The following FSTL5 variants were observed in gnomAD, a reference collection of about 807,000 sequenced individuals.
The protein encoded by FSTL5 is follistatin-related protein 5.
FSTL5 carries 62 observed loss-of-function variants against 89.1 expected under a neutral mutation model. The ratio of observed to expected loss-of-function variants is 0.70; its 90% CI spans 0.57 to 0.86. The LOEUF (loss-of-function observed/expected upper bound fraction) is 0.86, where lower values mean the gene tolerates loss of function less well. Among genes scored for constraint, FSTL5 ranks in the 40% least tolerant of loss-of-function variants. FSTL5 has a pLI of 0.00. For synonymous variants in FSTL5, 383 were observed against 346.2 expected, an observed-to-expected ratio of 1.11 and a Z score of -1.18; for missense variants, 1,057 against 1,001.6, an observed-to-expected ratio of 1.06 and a Z score of -0.75.
intron 15 of FSTL5, among the ~76,000 whole-genome samples, chr4:161,400,988 A>T (rs1578945108): frequency 6.6e-6 from 1 of 152,164 alleles, no homozygotes; most frequent in Non-Finnish European, 1.5e-5. Flanking sequence ...GACACTTTTG[A>T]TAATTGTCTT....
intron 5 of FSTL5, among the ~76,000 whole-genome samples, chr4:161,760,224 C>A (rs1740738140): frequency 1.3e-5 from 2 of 152,174 alleles, no homozygotes; most frequent in African/African-American, 4.8e-5. Context: ...ACTGCGGCTG[C>A]AGCTTTTTGG....
intron 10 of FSTL5, among the ~76,000 whole-genome samples, chr4:161,535,409 T>C (rs1731569479): frequency 6.6e-6 from 1 of 151,938 alleles, no homozygotes. Flanking sequence ...AATTTAAAAA[T>C]GGGAAAAGCA....
At position 161,847,390 on chromosome 4, in the gene FSTL5, A is replaced by T. The variant is rs1056198689; in HGVS notation, c.410-71316T>A. ...TTAGAGAGAAACCATTACTATCCCT[A>T]TTTTACAGATGAGAAAGCATACATG... On this transcript the variant is annotated intron_variant, in intron 4 of 15. Coordinates refer to ENST00000306100, the MANE Select transcript of FSTL5 (RefSeq NM_020116.5). 3.9e-5 allele frequency among the ~76,000 whole-genome samples: 6 copies of T among 152,190 alleles called. No individual in the cohort carries two copies. The South Asian group carries it at 1.2e-3, about 32-fold the overall frequency.
chr4:161,896,239 A>G (rs1437770992), intron 4 of FSTL5, among the ~76,000 whole-genome samples: 2 of 152,214 alleles, frequency 1.3e-5, no homozygotes, highest in African/African-American at 4.8e-5. Flanking sequence ...ATTAATGTTA[A>G]AAATGATAGA....
intron 6 of FSTL5, among the ~76,000 whole-genome samples, chr4:161,683,372 T>A (rs1737592944): frequency 6.6e-6 from 1 of 152,154 alleles, no homozygotes; most frequent in African/African-American, 2.4e-5. Context: ...TTAACATATA[T>A]AAAATACATA....
intron 8 of FSTL5, among the ~76,000 whole-genome samples, chr4:161,554,192 C>T (rs1034955322): frequency 6.6e-6 from 1 of 151,072 alleles, no homozygotes; most frequent in African/African-American, 2.4e-5. Flanking sequence ...TCCTTGTAAA[C>T]ATTTATCATC....
chr4:162,135,375 T>G (rs1360395629), intron 1 of FSTL5, among the ~76,000 whole-genome samples: 1 of 152,082 alleles, frequency 6.6e-6, no homozygotes, highest in Non-Finnish European at 1.5e-5. Context: ...TGTAGGCATT[T>G]ATAAAATACA....
At chr4:162,138,852 T>C (rs961452264) in intron 1 of FSTL5, among the ~76,000 whole-genome samples, 27 of 151,992 alleles carry the variant, frequency 1.8e-4, no homozygotes, top group Non-Finnish European at 3.1e-4. Flanking sequence ...GAAAACGTAT[T>C]TGATGTATTT....
chr4:161,811,632 T>A (rs2126839753), intron 4 of FSTL5, among the ~76,000 whole-genome samples: 1 of 152,310 alleles, frequency 6.6e-6, no homozygotes, highest in South Asian at 2.1e-4. Flanking sequence ...TACTTGTTGA[T>A]TATATCAAGC....
At chr4:161,842,381 T>C (rs1476537273) in intron 4 of FSTL5, among the ~76,000 whole-genome samples, 1 of 152,182 alleles carries the variant, frequency 6.6e-6, no homozygotes, top group Non-Finnish European at 1.5e-5. Context: ...TTTTTCAAGT[T>C]ACAAATCATC....
intron 3 of FSTL5, among the ~76,000 whole-genome samples, chr4:162,030,131 T>A (rs1178182678): frequency 1.3e-5 from 2 of 151,984 alleles, no homozygotes; most frequent in African/African-American, 4.8e-5. Flanking sequence ...AGGCTGGTCT[T>A]CTGGTCTTGA....
chr4:161,763,196 G>C (rs1740869086), intron 5 of FSTL5, among the ~76,000 whole-genome samples: 1 of 152,036 alleles, frequency 6.6e-6, no homozygotes, highest in African/African-American at 2.4e-5. Flanking sequence ...CCAAAACTCT[G>C]AAAACACAGC....
chr4:162,145,527 T>TA (rs1732939920), intron 1 of FSTL5, among the ~76,000 whole-genome samples: 2 of 152,204 alleles, frequency 1.3e-5, no homozygotes, highest in South Asian at 4.1e-4. Flanking sequence ...TCCATGAAGT[T>TA]ATTAAAAACA....
At chr4:161,454,211 A>G (rs945790217) in intron 15 of FSTL5, among the ~76,000 whole-genome samples, 3 of 152,230 alleles carry the variant, frequency 2.0e-5, no homozygotes, top group African/African-American at 7.2e-5. Context: ...AGCAGTTTCC[A>G]CACATCAGAA....
At chr4:161,995,772 T>G (rs374895240) in intron 3 of FSTL5, among the ~76,000 whole-genome samples, 10 of 151,694 alleles carry the variant, frequency 6.6e-5, no homozygotes, top group South Asian at 6.2e-4. Context: ...AATGAGTTTT[T>G]TTTTTTTTTT....
chr4:161,714,730 A>T (rs1738917029), intron 6 of FSTL5, among the ~76,000 whole-genome samples: 1 of 152,162 alleles, frequency 6.6e-6, no homozygotes, highest in African/African-American at 2.4e-5. Flanking sequence ...TTTTACATAC[A>T]AGCCATTGTT....
chr4:161,654,718 C>A (rs1430561191), intron 7 of FSTL5, among the ~76,000 whole-genome samples: 1 of 151,856 alleles, frequency 6.6e-6, no homozygotes, highest in Non-Finnish European at 1.5e-5. Context: ...ATGAAGCAGC[C>A]AAGATTAAGA....
At chr4:161,980,046 G>GGAAA (rs34384977) in intron 3 of FSTL5, among the ~76,000 whole-genome samples, 27,803 of 132,264 alleles carry the variant, frequency 0.21, 3,590 homozygotes, top group African/African-American at 0.4. Flanking sequence ...ACAAAATGAA[G>GGAAA]GAAAGAAAGA....
chr4:161,469,738 C>T (rs546242014), intron 13 of FSTL5, among the ~76,000 whole-genome samples: 2 of 151,666 alleles, frequency 1.3e-5, no homozygotes, highest in Admixed American at 1.3e-4. Flanking sequence ...CCCGGGTTCA[C>T]GCCATTCTCC....
Sources: gnomAD v4.1 joint callset for allele counts (sites outside exome capture counted in the v4.1 genomes callset) on GRCh38, gnomAD v4.1.1 for gene constraint, MANE v1.5 for transcripts, NCBI Gene and HGNC (gene_info 2026-07-23, HGNC 2026-07-21) for gene names.